Variants in BTBD8 observed in about 807,000 individuals in gnomAD.
BTBD8 encodes BTB/POZ domain-containing protein 8.
In BTBD8, 110 loss-of-function variants were observed where a neutral mutation model predicts 162.9. That is an observed-to-expected ratio of 0.68 (90% confidence interval 0.58 to 0.79). The LOEUF is 0.79. BTBD8 is among the 30% of genes least tolerant of loss of function. The pLI is 0.00. For synonymous variants in BTBD8, 667 were observed against 716.1 expected (o/e 0.93, Z 1.10); for missense variants, 1,905 against 2,085.4 (o/e 0.91, Z 1.68).
chr1:92,182,208 A>G lies in BTBD8; in HGVS notation c.4525A>G (p.Lys1509Glu). The G allele has an allele frequency of 6.4e-7, 1 of 1,550,692 alleles. No individual in the cohort carries two copies. Among genetic ancestry groups the G allele is most frequent in the Non-Finnish European group, 8.7e-7 (1 of 1,146,748 alleles). ...CKQNKGNSVC[K>E]NESTVLDLSS... ...ACAAAATAAAGGCAATAGTGTATGT[A>G]AAAATGAAAGCACTGTCTTGGATCT... Residue 1509 changes from lysine (K) to glutamate (E), a missense_variant, in exon 17 of 18, where the codon AAA (lysine) becomes GAA (glutamate). By Grantham distance (56) the Lys-to-Glu change is moderately conservative. Around this residue, in one of 3 missense-constraint regions of BTBD8, gnomAD observed 517 missense variants for 606.6 expected, o/e 0.85. Coordinates refer to ENST00000636805, the MANE Select transcript of BTBD8 (RefSeq NM_001376131.1).
At chr1:92,123,540 T>A (rs1649270557) in intron 4 of BTBD8, among the ~76,000 whole-genome samples, 1 of 151,870 alleles carries the variant, frequency 6.6e-6, no homozygotes, top group Admixed American at 6.6e-5. Context: ...ACTGTAGAGG[T>A]CTTACACATT....
chr1:92,136,222 C>T (rs1355700861), intron 5 of BTBD8, among the ~76,000 whole-genome samples: 1 of 152,120 alleles, frequency 6.6e-6, no homozygotes, highest in Non-Finnish European at 1.5e-5. Flanking sequence ...CCTAATAAGC[C>T]ATTTGTTAAA....
rs1650458034 is a variant in BTBD8 at position 92,168,888 on chromosome 1, C to T, written c.1466C>T (p.Ala489Val). ...CAGGGTTTTACGTGCAAGATCCAGG[C>T]TCTGCGTGATAAGCTGTGGATCTTC... ...KEMGFTCKIQALRDKLWIFLV... is the reference protein window; with the variant it reads ...KEMGFTCKIQVLRDKLWIFLV... Residue 489 changes from alanine (A) to valine (V), a missense_variant, in exon 12 of 18, where the codon GCT becomes GTT. Physicochemically the swap from Ala to Val is moderately conservative, Grantham distance 64. This residue lies in a region of BTBD8 where 1,374 missense variants were observed against 1,442.7 expected (regional missense o/e 0.95). Transcript: ENST00000636805. The T allele has an allele frequency of 6.5e-7, 1 of 1,537,686 alleles. No homozygotes were observed.
chr1:92,155,625 C>G (rs1405485387), intron 9 of BTBD8, among the ~76,000 whole-genome samples: 1 of 151,980 alleles, frequency 6.6e-6, no homozygotes, highest in African/African-American at 2.4e-5. Flanking sequence ...TAATTTCTTT[C>G]AATGTTTTGT....
At chr1:92,123,776 CAAAAAAAAAAAAA>C (rs529220915) in intron 4 of BTBD8, among the ~76,000 whole-genome samples, 1 of 84,494 alleles carries the variant, frequency 1.2e-5, no homozygotes, top group Non-Finnish European at 2.2e-5. Context: ...GACTCCGTCT[CAAAAAAAAAAAAA>C]AAAAAAAGAA....
chr1:92,085,348 T>C (rs1436613229), intron 1 of BTBD8, among the ~76,000 whole-genome samples: 1 of 152,224 alleles, frequency 6.6e-6, no homozygotes, highest in Admixed American at 6.5e-5. Context: ...TCCCAGCACT[T>C]TGGGAGGCCA....
At chr1:92,123,777 A>AG (rs1491464756) in intron 4 of BTBD8, among the ~76,000 whole-genome samples, 2 of 14,948 alleles carry the variant, frequency 1.3e-4, no homozygotes, top group Admixed American at 1.4e-3. Flanking sequence ...ACTCCGTCTC[A>AG]AAAAAAAAAA....
intron 4 of BTBD8, among the ~76,000 whole-genome samples, chr1:92,122,359 A>G (rs1374887532): frequency 2.0e-5 from 3 of 151,754 alleles, no homozygotes; most frequent in Non-Finnish European, 4.4e-5. Context: ...CCCAGGTTCA[A>G]ACGATTCTCC....
chr1:92,175,477 C>CAAAAAAAAAAAAAAAAAAA (rs71091265), intron 13 of BTBD8, among the ~76,000 whole-genome samples: 6 of 37,454 alleles, frequency 1.6e-4, no homozygotes, highest in African/African-American at 5.9e-4. Context: ...GACTCCATCT[C>CAAAAAAAAAAAAAAAAAAA]AAAAAAAAAA....
rs375121182 is a variant in BTBD8, at chr1:92,122,327, C to T, written c.663-7360C>T. On this transcript the variant is annotated intron_variant, in intron 4 of 17. Coordinates refer to ENST00000636805, the MANE Select transcript of BTBD8 (RefSeq NM_001376131.1). ...AGGCTGGAGTGCAGTGGTGCAATCT[C>T]GGCTCACTGCAACCTCCGCTTCCCA... Among the ~76,000 whole-genome samples, 23 of 151,716 alleles carry T rather than the reference C, an allele frequency of 1.5e-4. No individual in the cohort carries two copies. In the South Asian group the frequency reaches 4.6e-3, roughly 30 times the overall value.
chr1:92,180,675 A>G lies in BTBD8; in HGVS notation c.2992A>G (p.Ile998Val), dbSNP rs1650859683. The G allele has an allele frequency of 1.3e-6, 2 of 1,551,508 alleles. No individual in the cohort carries two copies. The highest frequency in any genetic ancestry group is 1.7e-6 in the Non-Finnish European group (2 of 1,146,944). The change falls in exon 17 of 18, where the codon ATA becomes GTA. Residue 998 changes from isoleucine (I) to valine (V), a missense_variant. Ile to Val is a conservative substitution (Grantham distance 29). This residue lies in a region of BTBD8 where 1,374 missense variants were observed against 1,442.7 expected (regional missense o/e 0.95). Coordinates refer to ENST00000636805, the MANE Select transcript of BTBD8 (RefSeq NM_001376131.1). ...ACCTCTCATTAATCTTGCATCTGAA[A>G]TAAGTGATGCAGAAGCACTCCAGTC... ...HKPLINLASE[I>V]SDAEALQSSC...
intron 2 of BTBD8, among the ~76,000 whole-genome samples, chr1:92,095,994 CAG>C (rs150887124): frequency 0.014 from 2,063 of 150,300 alleles, 55 homozygotes; most frequent in African/African-American, 0.049. Flanking sequence ...TTTTCTGAGA[CAG>C]AGGCTTGCTC....
At position 92,167,032 on chromosome 1, in the gene BTBD8, G is replaced by A. The variant is rs572938165; in HGVS notation, c.1197G>A (p.Thr399=). Residue 399 remains threonine, a synonymous_variant, in exon 10 of 18, where the codon ACG becomes ACA. Coordinates refer to ENST00000636805, the MANE Select transcript of BTBD8 (RefSeq NM_001376131.1). ...LIISLPRVKW[T]EAALTMASQL... is the part of the protein sequence containing the mutation. ...TCAGTTTACCCAGAGTGAAGTGGAC[G>A]GAAGCAGCACTGACCATGGCGTCTC... The A allele has an allele frequency of 2.6e-4, 398 of 1,550,686 alleles. No individual in the cohort carries two copies. The African/African-American group carries it at 3.1e-3, about 12-fold the overall frequency.
chr1:92,120,779 T>C (rs1053959968), intron 4 of BTBD8, among the ~76,000 whole-genome samples: 7 of 152,210 alleles, frequency 4.6e-5, no homozygotes, highest in Non-Finnish European at 8.8e-5. Context: ...AATTTTGGAA[T>C]CACCTTGTCA....
chr1:92,159,303 T>A (rs1437452877), intron 9 of BTBD8, among the ~76,000 whole-genome samples: 1 of 152,050 alleles, frequency 6.6e-6, no homozygotes, highest in African/African-American at 2.4e-5. Context: ...GCCTCCCAAG[T>A]AGCTGGGACT....
chr1:92,085,548 C>A (rs984196317), intron 1 of BTBD8, among the ~76,000 whole-genome samples: 1 of 151,648 alleles, frequency 6.6e-6, no homozygotes, highest in Non-Finnish European at 1.5e-5. Context: ...GTACTCCCAG[C>A]TACTCAGGAG....
In BTBD8 at chr1:92,147,228, C is replaced by T; in HGVS notation, c.979C>T (p.His327Tyr). 2 of 1,612,178 alleles carry T rather than the reference C, an allele frequency of 1.2e-6. No individual in the cohort carries two copies. The highest frequency in any genetic ancestry group is 1.1e-5 in the South Asian group (1 of 90,820). ...TSILECLIIA[H>Y]SVGVESLFAD... is the part of the protein sequence containing the mutation. ...TATACTAGAATGCCTGATTATTGCT[C>T]ATTCAGTTGGAGTGGAAAGTCTTTT... Residue 327 changes from histidine to tyrosine, a missense_variant, in exon 8 of 18, where the codon CAT (histidine) becomes TAT (tyrosine). His to Tyr is a moderately conservative substitution (Grantham distance 83, BLOSUM62 2). This residue lies in a region of BTBD8 where 1,374 missense variants were observed against 1,442.7 expected (regional missense o/e 0.95). Transcript: ENST00000636805.
chr1:92,114,139 TA>T (rs893622652), intron 4 of BTBD8, among the ~76,000 whole-genome samples: 7 of 151,716 alleles, frequency 4.6e-5, no homozygotes, highest in Non-Finnish European at 4.4e-5. Flanking sequence ...AAATAATTGT[TA>T]AAAAAAACAC....
intron 9 of BTBD8, among the ~76,000 whole-genome samples, chr1:92,154,506 G>T (rs1316563123): frequency 3.3e-5 from 5 of 152,002 alleles, no homozygotes; most frequent in Non-Finnish European, 5.9e-5. Context: ...ATCCTATTGT[G>T]GTTTTAATTT....
Sources: allele counts gnomAD v4.1 joint callset (sites outside exome capture counted in the v4.1 genomes callset), GRCh38; gene constraint gnomAD v4.1.1; regional missense constraint gnomAD v4.1.1; transcripts MANE v1.5; gene names NCBI Gene and HGNC (gene_info 2026-07-23, HGNC 2026-07-21).